Variants in LCOR observed in about 807,000 individuals in gnomAD.
LCOR encodes the protein ligand-dependent corepressor.
In LCOR, 14 loss-of-function variants were observed where a neutral mutation model predicts 64.4. That is an observed-to-expected ratio of 0.22 (90% CI 0.14 to 0.34). The LOEUF is 0.34. Among genes scored for constraint, LCOR ranks in the 10% least tolerant of loss-of-function variants. The pLI is 1.00. For missense variants in LCOR, 1,686 were observed against 1,765.3 expected, an observed-to-expected ratio of 0.96 and a Z score of 0.80; for synonymous variants, 643 against 642.5, an observed-to-expected ratio of 1.00 and a Z score of -0.01.
chr10:96,860,383 G>A (rs11188951), intron 2 of LCOR, among the ~76,000 whole-genome samples: 638 of 152,272 alleles, frequency 4.2e-3, no homozygotes, highest in Non-Finnish European at 7.3e-3. Context: ...ATGGAGGCAG[G>A]GATTAGAGTT....
At chr10:96,907,901 T>C (rs1053462758) in intron 4 of LCOR, 154 bp downstream of exon 4, 5 of 162,350 alleles carry the variant, frequency 3.1e-5, no homozygotes, top group Non-Finnish European at 5.2e-5. Flanking sequence ...TCCTGGGTTT[T>C]GCAATTTAAG....
chr10:96,908,789 C>T lies in LCOR; in HGVS notation c.-184+1042C>T, dbSNP rs527720840. On this transcript the variant is annotated intron_variant, in intron 4 of 7. Coordinates refer to ENST00000421806, the MANE Select transcript of LCOR (RefSeq NM_001346516.2). ...GGAGTGCAGTGGCGCGATCTCTGCT[C>T]ACTGCAGGCTCCCCCCTCCGGGTTT... 2.0e-5 allele frequency among the ~76,000 whole-genome samples: 3 copies of T among 151,860 alleles called. No homozygotes were observed. The South Asian group carries it at 6.2e-4, about 32-fold the overall frequency.
chr10:96,915,750 C>CCGTA, intron 4 of LCOR: 3 of 639,290 alleles, frequency 4.7e-6, no homozygotes, highest in Non-Finnish European at 8.9e-6. Context: ...CCTTTGGGTA[C>CCGTA]CTTCTCTCCC....
At chr10:96,887,427 G>A (rs1009504219) in intron 2 of LCOR, among the ~76,000 whole-genome samples, 14 of 151,872 alleles carry the variant, frequency 9.2e-5, no homozygotes, top group Middle Eastern at 3.2e-3. Flanking sequence ...GCCGGGCGTC[G>A]TGGCGGGCGC....
At chr10:96,933,264 A>T (rs2134493056) in intron 4 of LCOR, among the ~76,000 whole-genome samples, 1 of 152,316 alleles carries the variant, frequency 6.6e-6, no homozygotes, top group South Asian at 2.1e-4. Flanking sequence ...AGCTTTGTGT[A>T]CAAGGTAGCT....
intron 4 of LCOR, among the ~76,000 whole-genome samples, chr10:96,918,837 T>A (rs922439540): frequency 6.6e-6 from 1 of 152,180 alleles, no homozygotes; most frequent in African/African-American, 2.4e-5. Context: ...AACTGTTAGA[T>A]ATGAAAGCAT....
chr10:96,922,162 TTAAG>T (rs1847091726), intron 4 of LCOR, among the ~76,000 whole-genome samples: 1 of 152,096 alleles, frequency 6.6e-6, no homozygotes, highest in East Asian at 1.9e-4. Flanking sequence ...GCTGGCAATA[TTAAG>T]TCTTTGCCTT....
intron 6 of LCOR, 133 bp from the exon 7 acceptor site, chr10:96,951,969 AT>A: frequency 1.7e-6 from 1 of 600,322 alleles, no homozygotes; most frequent in Non-Finnish European, 3.0e-6. Flanking sequence ...AATTGATTTT[AT>A]AACTCAAATA....
At chr10:96,832,540 C>T (rs1048407028) in intron 1 of LCOR, 141 bp downstream of exon 1, 1 of 185,148 alleles carries the variant, frequency 5.4e-6, no homozygotes, top group Non-Finnish European at 1.0e-5. Context: ...CCTTCCCCCA[C>T]CCCCCGGAGT....
At chr10:96,925,310 A>G (rs1200204043) in intron 4 of LCOR, among the ~76,000 whole-genome samples, 2 of 152,130 alleles carry the variant, frequency 1.3e-5, no homozygotes, top group African/African-American at 2.4e-5. Context: ...TCCTGATCTC[A>G]GGTGATCACC....
At chr10:96,838,584 T>A (rs1030256046) in intron 2 of LCOR, among the ~76,000 whole-genome samples, 2 of 152,246 alleles carry the variant, frequency 1.3e-5, no homozygotes. Context: ...ATACAATATA[T>A]GGCTTTTTGT....
At chr10:96,836,540 C>T (rs1258488967) in intron 2 of LCOR, among the ~76,000 whole-genome samples, 1 of 152,170 alleles carries the variant, frequency 6.6e-6, no homozygotes, top group African/African-American at 2.4e-5. Flanking sequence ...TTGCCTCAAC[C>T]TTCAGGAACT....
At chr10:96,976,136 C>T (rs1214976924) in intron 7 of LCOR, among the ~76,000 whole-genome samples, 1 of 152,166 alleles carries the variant, frequency 6.6e-6, no homozygotes, top group African/African-American at 2.4e-5. Context: ...ACCCTGGTAC[C>T]TGCTCTTACA....
At chr10:96,912,623 C>T (rs528349337) in intron 4 of LCOR, among the ~76,000 whole-genome samples, 4 of 148,566 alleles carry the variant, frequency 2.7e-5, no homozygotes, top group African/African-American at 9.8e-5. Flanking sequence ...TTCCTTCCTT[C>T]CTTCCTTCCT....
At chr10:96,970,595 C>T (rs1166898351) in intron 7 of LCOR, among the ~76,000 whole-genome samples, 1 of 128,202 alleles carries the variant, frequency 7.8e-6, no homozygotes, top group Non-Finnish European at 1.6e-5. Context: ...AGATCCTAAC[C>T]AGCATTTTAT....
chr10:96,917,314 C>T (rs1846969775), intron 4 of LCOR, among the ~76,000 whole-genome samples: 2 of 152,272 alleles, frequency 1.3e-5, no homozygotes, highest in African/African-American at 2.4e-5. Flanking sequence ...ACCTGGTCCC[C>T]TCTTGGCTTG....
At chr10:96,916,353 G>A (rs960739592) in intron 4 of LCOR, among the ~76,000 whole-genome samples, 25 of 151,812 alleles carry the variant, frequency 1.6e-4, no homozygotes, top group East Asian at 1.2e-3. Context: ...TATATTAACA[G>A]CAAGCAGATG....
intron 2 of LCOR, among the ~76,000 whole-genome samples, chr10:96,838,538 AT>A (rs1309258189): frequency 6.6e-6 from 1 of 152,172 alleles, no homozygotes; most frequent in Non-Finnish European, 1.5e-5. Flanking sequence ...GTTTCTGTGG[AT>A]TTGTCTATTC....
Position 96,985,861 on chromosome 10 carries a change from TAA to T in LCOR, c.*732_*733del, listed in dbSNP as rs1374992107. On this transcript the variant is annotated 3_prime_UTR_variant, in exon 8 of 8. Coordinates refer to ENST00000421806, the MANE Select transcript of LCOR (RefSeq NM_001346516.2). The stretch of plus-strand genomic sequence containing the variant: ...AGTGTTAATTTTTGTTTACAAACTC[TAA>T]AAAATCATTTGCATCCCCAAACTGT... 6.0e-6 allele frequency: 1 copy of T among 167,064 alleles called. No individual in the cohort carries two copies. Among genetic ancestry groups the T allele is most frequent in the African/African-American group, 2.4e-5 (1 of 41,450 alleles). 10.3% of individuals were successfully genotyped at this position (167,064 alleles called of 1,614,324 possible).
Sources: allele counts gnomAD v4.1 joint callset (sites outside exome capture counted in the v4.1 genomes callset), GRCh38; gene constraint gnomAD v4.1.1; transcripts MANE v1.5; gene names NCBI Gene and HGNC (gene_info 2026-07-23, HGNC 2026-07-21).